The following OLFM3 variants were observed in gnomAD, a reference collection of about 807,000 sequenced individuals.
The protein encoded by OLFM3 is noelin-3.
In OLFM3, 20 loss-of-function variants were observed where a neutral mutation model predicts 48.6. That is an observed-to-expected ratio of 0.41 (90% CI 0.29 to 0.60). The LOEUF is 0.60. OLFM3 is among the 20% of genes least tolerant of loss of function. The probability of loss-of-function intolerance (pLI) is 0.28; values close to 1 mark genes in which losing one functional copy is unlikely to be tolerated. For missense variants in OLFM3, 437 were observed against 544.3 expected (o/e 0.80, Z 1.96); for synonymous variants, 222 against 198.1 (o/e 1.12, Z -1.01).
At chr1:101,970,014 G>A (rs375707099) in intron 1 of OLFM3, among the ~76,000 whole-genome samples, 29 of 151,470 alleles carry the variant, frequency 1.9e-4, no homozygotes, top group East Asian at 1.4e-3. Context: ...ATTTTGTAAT[G>A]ACAGATTTTT....
At chr1:101,984,520 C>T (rs1661182824) in intron 1 of OLFM3, among the ~76,000 whole-genome samples, 1 of 152,132 alleles carries the variant, frequency 6.6e-6, no homozygotes, top group Non-Finnish European at 1.5e-5. Context: ...GCCTCAGCAT[C>T]CCAAGTAGCT....
At chr1:101,933,052 A>T (rs1311298404) in intron 1 of OLFM3, among the ~76,000 whole-genome samples, 1 of 151,842 alleles carries the variant, frequency 6.6e-6, no homozygotes, top group Non-Finnish European at 1.5e-5. Context: ...AATACAAAAA[A>T]TTAGCCAGGC....
In OLFM3 at chr1:101,899,407, G is replaced by A. The variant is rs1384311218; in HGVS notation, c.70-62382C>T. 4.6e-5 allele frequency among the ~76,000 whole-genome samples: 7 copies of A among 152,144 alleles called. No individual in the cohort carries two copies. The East Asian group carries it at 1.2e-3, about 25-fold the overall frequency. The stretch of plus-strand genomic sequence containing the variant: ...AAAGAGGGAGAGGAGGGGCAAGACT[G>A]TAGCAAAAGTGTCTTTGAAACTAAT... On this transcript the variant is annotated intron_variant, in intron 1 of 5. Coordinates refer to ENST00000370103, the MANE Select transcript of OLFM3 (RefSeq NM_058170.4).
At chr1:101,881,932 C>CTACA (rs1481236202) in intron 1 of OLFM3, among the ~76,000 whole-genome samples, 2 of 151,666 alleles carry the variant, frequency 1.3e-5, no homozygotes, top group Non-Finnish European at 2.9e-5. Flanking sequence ...GTAGGGTGTA[C>CTACA]TGTATGTAGT....
At chr1:101,836,310 GA>G (rs2100922381) in intron 2 of OLFM3, among the ~76,000 whole-genome samples, 2 of 152,224 alleles carry the variant, frequency 1.3e-5, no homozygotes, top group South Asian at 4.1e-4. Flanking sequence ...GTGTAAAAGA[GA>G]ATAAATCAAA....
At chr1:101,901,994 A>T (rs1213086521) in intron 1 of OLFM3, among the ~76,000 whole-genome samples, 1 of 152,098 alleles carries the variant, frequency 6.6e-6, no homozygotes, top group Non-Finnish European at 1.5e-5. Flanking sequence ...AAAACTTCAG[A>T]ATGAATGAAA....
In OLFM3 at chr1:101,806,039, T is replaced by C. The variant is rs1653756325; in HGVS notation, c.699+37A>G. The C allele has an allele frequency of 4.0e-6, 6 of 1,483,264 alleles. No individual in the cohort carries two copies. The East Asian group carries it at 1.4e-4, about 34-fold the overall frequency. 91.9% of individuals were successfully genotyped at this position (1,483,264 alleles called of 1,614,324 possible). On this transcript the variant is annotated intron_variant, in intron 5 of 5. Coordinates refer to ENST00000370103, the MANE Select transcript of OLFM3 (RefSeq NM_058170.4). ...AGAAGAGAAAAAGTGTAAGCAGAACTTAATTCTAAGCAAAGGTGTTTGTGG... is the reference window on the plus strand; with the variant it reads ...AGAAGAGAAAAAGTGTAAGCAGAACCTAATTCTAAGCAAAGGTGTTTGTGG...
intron 1 of OLFM3, among the ~76,000 whole-genome samples, chr1:101,972,399 G>A (rs920212044): frequency 1.3e-5 from 2 of 152,136 alleles, no homozygotes; most frequent in Non-Finnish European, 2.9e-5. Context: ...TATTAAAAAT[G>A]CATCCCTTTC....
intron 1 of OLFM3, among the ~76,000 whole-genome samples, chr1:101,962,137 C>T (rs1385813670): frequency 1.3e-5 from 2 of 152,186 alleles, no homozygotes; most frequent in Admixed American, 6.5e-5. Flanking sequence ...TTATCAGCAC[C>T]TTTTTCTTTT....
chr1:101,914,788 C>T (rs1441654380), intron 1 of OLFM3, among the ~76,000 whole-genome samples: 1 of 152,084 alleles, frequency 6.6e-6, no homozygotes, highest in Non-Finnish European at 1.5e-5. Flanking sequence ...TTTCAGTGGT[C>T]TGAAGGAAAA....
chr1:101,891,315 G>A (rs994559965), intron 1 of OLFM3, among the ~76,000 whole-genome samples: 1 of 151,886 alleles, frequency 6.6e-6, no homozygotes, highest in African/African-American at 2.4e-5. Flanking sequence ...GATTCAGGAG[G>A]AAATTTAAAA....
intron 1 of OLFM3, among the ~76,000 whole-genome samples, chr1:101,905,233 A>G (rs546991712): frequency 1.3e-5 from 2 of 152,306 alleles, no homozygotes; most frequent in East Asian, 3.8e-4. Flanking sequence ...GTAACTGTGC[A>G]AGAAAACACC....
At chr1:101,970,751 CT>C (rs1345229027) in intron 1 of OLFM3, among the ~76,000 whole-genome samples, 3 of 152,330 alleles carry the variant, frequency 2.0e-5, no homozygotes, top group African/African-American at 4.8e-5. Flanking sequence ...CCACCCTCCC[CT>C]GACCCGATTT....
intron 4 of OLFM3, among the ~76,000 whole-genome samples, chr1:101,806,646 G>C (rs1653791383): frequency 6.6e-6 from 1 of 151,534 alleles, no homozygotes; most frequent in Non-Finnish European, 1.5e-5. Context: ...ATTCTGTTTG[G>C]CAAAGAAGAA....
chr1:101,886,850 C>G (rs917738626), intron 1 of OLFM3, among the ~76,000 whole-genome samples: 1 of 152,036 alleles, frequency 6.6e-6, no homozygotes, highest in African/African-American at 2.4e-5. Context: ...TGATTCTTTC[C>G]AATTTATTCA....
At chr1:101,860,773 C>T (rs1311284577) in intron 1 of OLFM3, among the ~76,000 whole-genome samples, 1 of 151,980 alleles carries the variant, frequency 6.6e-6, no homozygotes, top group Non-Finnish European at 1.5e-5. Flanking sequence ...AAGGATTCCA[C>T]TGTTAGGCAA....
At chr1:101,907,386 A>T (rs72729697) in intron 1 of OLFM3, among the ~76,000 whole-genome samples, 1 of 152,232 alleles carries the variant, frequency 6.6e-6, no homozygotes, top group Admixed American at 6.5e-5. Flanking sequence ...TTAAATGCAG[A>T]CAATGGGATA....
At chr1:101,824,939 T>G (rs1570524668) in intron 4 of OLFM3, 87 bp downstream of exon 4, 9 of 1,144,472 alleles carry the variant, frequency 7.9e-6, no homozygotes, top group Non-Finnish European at 1.1e-5. Flanking sequence ...ATTAGATATT[T>G]TATGACTCTT....
intron 1 of OLFM3, among the ~76,000 whole-genome samples, chr1:101,885,645 C>A (rs1420040904): frequency 6.6e-6 from 1 of 152,050 alleles, no homozygotes; most frequent in African/African-American, 2.4e-5. Context: ...GATTCACTTT[C>A]ATCTAATGGA....
Sources: gnomAD v4.1 joint callset for allele counts (sites outside exome capture counted in the v4.1 genomes callset) on GRCh38, gnomAD v4.1.1 for gene constraint, MANE v1.5 for transcripts, NCBI Gene and HGNC (gene_info 2026-07-23, HGNC 2026-07-21) for gene names.